Variants in DNAAF11 observed in about 807,000 individuals in gnomAD.
DNAAF11 encodes leucine rich repeat containing 6.
In DNAAF11, 45 loss-of-function variants were observed where a neutral mutation model predicts 60.8. The ratio of observed to expected loss-of-function variants is 0.74; its 90% CI spans 0.58 to 0.95. DNAAF11 has a LOEUF of 0.95. Among genes scored for constraint, DNAAF11 ranks in the 40% least tolerant of loss-of-function variants. The pLI is 0.00. For synonymous variants in DNAAF11, 191 were observed against 183.5 expected, an observed-to-expected ratio of 1.04 and a Z score of -0.33; for missense variants, 546 against 546.2, an observed-to-expected ratio of 1.00 and a Z score of 0.00.
At chr8:132,595,990 C>T (rs1320381838) in intron 10 of DNAAF11, among the ~76,000 whole-genome samples, 2 of 152,088 alleles carry the variant, frequency 1.3e-5, no homozygotes, top group Non-Finnish European at 2.9e-5. Flanking sequence ...AAGCATGCCT[C>T]CTAATCATTG....
chr8:132,580,153 A>ATT (rs1815179017), intron 11 of DNAAF11, among the ~76,000 whole-genome samples: 1 of 152,218 alleles, frequency 6.6e-6, no homozygotes, highest in South Asian at 2.1e-4. Context: ...CTATGTTTAA[A>ATT]TAACATGTCT....
chr8:132,649,057 C>A (rs909713273), intron 3 of DNAAF11, among the ~76,000 whole-genome samples: 2 of 152,062 alleles, frequency 1.3e-5, no homozygotes, highest in Non-Finnish European at 1.5e-5. Context: ...CCCGCATTGC[C>A]AAGACAATCC....
Position 132,610,192 on chromosome 8 carries a change from C to G in DNAAF11, c.1114G>C (p.Gly372Arg). The G allele has an allele frequency of 6.2e-7, 1 of 1,613,786 alleles. No individual in the cohort carries two copies. Among genetic ancestry groups the G allele is most frequent in the Middle Eastern group, 1.6e-4 (1 of 6,062 alleles). Residue 372 changes from glycine to arginine, a missense_variant, in exon 10 of 12, where the codon GGT becomes CGT. Physicochemically the swap from Gly to Arg is moderately radical, Grantham distance 125 (BLOSUM62 -2). Transcript: ENST00000620350. ...SSSAKRSQTT[G>R]HLVICMPKVG... is the part of the protein sequence containing the mutation. ...TTGGGCATGCAGATGACCAAATGAC[C>G]CGTTGTCTGAGATCTTTTAGCAGAA...
intron 1 of DNAAF11, 90 bp from the exon 2 acceptor site, chr8:132,661,717 T>C: frequency 1.4e-6 from 2 of 1,404,842 alleles, no homozygotes; most frequent in South Asian, 1.2e-5. Context: ...TTTTTTTTGT[T>C]TGTTTTTGCA....
At chr8:132,665,882 T>G (rs1035050563) in intron 1 of DNAAF11, among the ~76,000 whole-genome samples, 2 of 152,118 alleles carry the variant, frequency 1.3e-5, no homozygotes, top group Non-Finnish European at 2.9e-5. Flanking sequence ...TAGAGAAAAT[T>G]TGGTACACAT....
intron 4 of DNAAF11, among the ~76,000 whole-genome samples, chr8:132,634,178 C>A (rs1311776434): frequency 6.6e-6 from 1 of 152,160 alleles, no homozygotes; most frequent in African/African-American, 2.4e-5. Context: ...CATAAGGACT[C>A]ATATGGTTGC....
At chr8:132,651,687 TAAG>T (rs747157810) in intron 3 of DNAAF11, among the ~76,000 whole-genome samples, 1 of 152,200 alleles carries the variant, frequency 6.6e-6, no homozygotes, top group Non-Finnish European at 1.5e-5. Flanking sequence ...TCATACGGTG[TAAG>T]AATACTTACT....
chr8:132,635,570 T>G (rs1334562002), intron 4 of DNAAF11, among the ~76,000 whole-genome samples: 1 of 152,160 alleles, frequency 6.6e-6, no homozygotes, highest in African/African-American at 2.4e-5. Flanking sequence ...TCCTCACACC[T>G]CTTCTATGTG....
intron 4 of DNAAF11, among the ~76,000 whole-genome samples, chr8:132,633,607 C>T (rs963036058): frequency 1.3e-5 from 2 of 152,072 alleles, no homozygotes; most frequent in Non-Finnish European, 2.9e-5. Flanking sequence ...ATAATGGTTC[C>T]CCAAGAATGT....
chr8:132,610,731 G>A (rs1264469894), intron 9 of DNAAF11, among the ~76,000 whole-genome samples: 1 of 152,162 alleles, frequency 6.6e-6, no homozygotes, highest in Non-Finnish European at 1.5e-5. Context: ...TGAAAAAAGT[G>A]TAACACAATA....
chr8:132,612,039 A>C (rs76703274), intron 8 of DNAAF11, among the ~76,000 whole-genome samples: 1,598 of 152,320 alleles, frequency 0.01, 32 homozygotes, highest in African/African-American at 0.036. Context: ...CTGCTTTAAA[A>C]ATCACAAATG....
intron 11 of DNAAF11, among the ~76,000 whole-genome samples, chr8:132,573,527 C>T (rs1023856013): frequency 6.6e-6 from 1 of 152,046 alleles, no homozygotes; most frequent in African/African-American, 2.4e-5. Context: ...ATCTTTTATC[C>T]TAGGCATATG....
intron 5 of DNAAF11, among the ~76,000 whole-genome samples, 183 bp from the exon 6 acceptor site, chr8:132,625,637 C>T (rs914181323): frequency 2.6e-5 from 4 of 152,162 alleles, no homozygotes; most frequent in African/African-American, 9.7e-5. Context: ...GTGAGATCAA[C>T]CCAAGGCTGT....
chr8:132,577,404 G>A (rs958706965), intron 11 of DNAAF11, among the ~76,000 whole-genome samples: 4 of 152,080 alleles, frequency 2.6e-5, no homozygotes, highest in South Asian at 4.1e-4. Context: ...TCTATTACTC[G>A]TAGCCAAATA....
intron 10 of DNAAF11, among the ~76,000 whole-genome samples, chr8:132,594,452 A>G (rs1020659857): frequency 5.9e-5 from 9 of 152,198 alleles, no homozygotes; most frequent in Non-Finnish European, 1.2e-4. Flanking sequence ...TAAAAATGTA[A>G]CATTTGAGCC....
intron 3 of DNAAF11, among the ~76,000 whole-genome samples, chr8:132,647,753 G>GA (rs1822548221): frequency 6.6e-6 from 1 of 152,170 alleles, no homozygotes; most frequent in Non-Finnish European, 1.5e-5. Context: ...AAATAAACTA[G>GA]AAAATCTAGA....
intron 10 of DNAAF11, among the ~76,000 whole-genome samples, chr8:132,598,609 T>C (rs1263131199): frequency 6.6e-6 from 1 of 152,204 alleles, no homozygotes; most frequent in African/African-American, 2.4e-5. Flanking sequence ...GTATATAAAA[T>C]GTTTTCAGTT....
chr8:132,573,805 T>C (rs1814460118), intron 11 of DNAAF11, among the ~76,000 whole-genome samples: 1 of 152,178 alleles, frequency 6.6e-6, no homozygotes, highest in Non-Finnish European at 1.5e-5. Flanking sequence ...ATTTTAGTTT[T>C]TGATCCTTCA....
intron 10 of DNAAF11, among the ~76,000 whole-genome samples, chr8:132,602,216 TTC>T (rs949405895): frequency 2.6e-5 from 4 of 152,142 alleles, no homozygotes; most frequent in Non-Finnish European, 4.4e-5. Flanking sequence ...CTTTTGTATT[TTC>T]TGTTTCCTTA....
Sources: gnomAD v4.1 joint callset for allele counts (sites outside exome capture counted in the v4.1 genomes callset) on GRCh38, gnomAD v4.1.1 for gene constraint, MANE v1.5 for transcripts, NCBI Gene and HGNC (gene_info 2026-07-23, HGNC 2026-07-21) for gene names.